The following CACNA2D3 variants were observed in gnomAD, a reference collection of about 807,000 sequenced individuals.
CACNA2D3 encodes the protein voltage-dependent calcium channel subunit alpha-2/delta-3.
In CACNA2D3, 60 loss-of-function variants were observed where a neutral mutation model predicts 160.6. The ratio of observed to expected loss-of-function variants is 0.37; its 90% CI spans 0.30 to 0.46. The LOEUF is 0.46. Among genes scored for constraint, CACNA2D3 ranks in the 20% least tolerant of loss-of-function variants. The pLI, the probability that CACNA2D3 is intolerant of heterozygous loss-of-function variation, is 1.00. For missense variants in CACNA2D3, 1,205 were observed against 1,365.0 expected (o/e 0.88, Z 1.85); for synonymous variants, 558 against 492.9 (o/e 1.13, Z -1.75).
At chr3:54,796,372 G>A (rs937540515) in intron 13 of CACNA2D3, among the ~76,000 whole-genome samples, 1 of 152,124 alleles carries the variant, frequency 6.6e-6, no homozygotes, top group Non-Finnish European at 1.5e-5. Flanking sequence ...CTGCCTTGGA[G>A]TAAGCACTCA....
At chr3:54,125,052 C>G (rs1404273918) in intron 2 of CACNA2D3, among the ~76,000 whole-genome samples, 1 of 152,094 alleles carries the variant, frequency 6.6e-6, no homozygotes, top group Admixed American at 6.5e-5. Flanking sequence ...TTATATTTTT[C>G]TTATGCTTTT....
chr3:54,935,652 A>G (rs1701309589), intron 27 of CACNA2D3, among the ~76,000 whole-genome samples: 1 of 152,152 alleles, frequency 6.6e-6, no homozygotes, highest in African/African-American at 2.4e-5. Flanking sequence ...TGTTTTTTGC[A>G]GTTCTTGTTG....
intron 2 of CACNA2D3, among the ~76,000 whole-genome samples, chr3:54,222,419 C>T (rs1453863745): frequency 6.6e-6 from 1 of 152,144 alleles, no homozygotes; most frequent in African/African-American, 2.4e-5. Context: ...GGCAGTGAGG[C>T]AGAAGGAGTT....
chr3:54,134,719 A>C (rs1052672668), intron 2 of CACNA2D3, among the ~76,000 whole-genome samples: 2 of 152,226 alleles, frequency 1.3e-5, no homozygotes, highest in African/African-American at 4.8e-5. Flanking sequence ...ACTGCCAGAC[A>C]GCAGAACAAG....
intron 2 of CACNA2D3, among the ~76,000 whole-genome samples, chr3:54,206,169 CATT>C (rs1428281359): frequency 6.6e-6 from 1 of 152,128 alleles, no homozygotes; most frequent in African/African-American, 2.4e-5. Context: ...GGAGTGGTCT[CATT>C]CTCTTTTCGC....
At chr3:54,301,713 C>G (rs1027758484) in intron 2 of CACNA2D3, among the ~76,000 whole-genome samples, 1 of 152,134 alleles carries the variant, frequency 6.6e-6, no homozygotes. Context: ...TGAAACACAG[C>G]AGGCACATGT....
intron 35 of CACNA2D3, among the ~76,000 whole-genome samples, chr3:55,033,604 A>G (rs1246405745): frequency 1.5e-5 from 2 of 134,996 alleles, no homozygotes; most frequent in African/African-American, 5.4e-5. Flanking sequence ...ATATATATAT[A>G]TATCTCCTTG....
intron 29 of CACNA2D3, among the ~76,000 whole-genome samples, chr3:54,979,388 A>G (rs955303816): frequency 6.6e-6 from 1 of 152,230 alleles, no homozygotes. Context: ...AATAGAAAAG[A>G]GATTCTTACT....
At chr3:54,626,337 G>T in intron 9 of CACNA2D3, 1 of 1,555,286 alleles carries the variant, frequency 6.4e-7, no homozygotes, top group Non-Finnish European at 8.7e-7. Flanking sequence ...CGCGCCAGCA[G>T]CGGCGGCTGA....
chr3:54,465,530 G>A lies in CACNA2D3; in HGVS notation c.382-37962G>A, dbSNP rs142731290. On this transcript the variant is annotated intron_variant, in intron 4 of 37. Transcript: ENST00000474759. Reference sequence around the variant, plus strand: ...GTTTCAGGCATCCACTGGGAGTCTTGGAACGTATCTCTGTGGATAAGAGTG... The same window carrying A: ...GTTTCAGGCATCCACTGGGAGTCTTAGAACGTATCTCTGTGGATAAGAGTG... Among the ~76,000 whole-genome samples, 976 of 152,222 alleles carry A rather than the reference G, an allele frequency of 6.4e-3. 9 individuals carry two copies. The highest frequency in any genetic ancestry group is 0.011 in the Non-Finnish European group (750 of 68,002).
At chr3:54,978,415 G>C (rs1470561953) in intron 29 of CACNA2D3, among the ~76,000 whole-genome samples, 1 of 152,184 alleles carries the variant, frequency 6.6e-6, no homozygotes, top group Admixed American at 6.5e-5. Context: ...TGGGTCTCTT[G>C]CATTCAGGGT....
chr3:55,049,134 C>A (rs1042743445), intron 35 of CACNA2D3, among the ~76,000 whole-genome samples: 4 of 151,678 alleles, frequency 2.6e-5, no homozygotes, highest in African/African-American at 7.3e-5. Flanking sequence ...TTATTTCTTC[C>A]CTTCTGCTAG....
At chr3:54,780,605 A>C (rs1702514920) in intron 13 of CACNA2D3, among the ~76,000 whole-genome samples, 1 of 152,190 alleles carries the variant, frequency 6.6e-6, no homozygotes, top group African/African-American at 2.4e-5. Context: ...CTTCTTTAGC[A>C]TTAGCCCTCA....
At chr3:54,814,224 A>G (rs1703399364) in intron 13 of CACNA2D3, among the ~76,000 whole-genome samples, 1 of 152,202 alleles carries the variant, frequency 6.6e-6, no homozygotes, top group Non-Finnish European at 1.5e-5. Context: ...CCTTCTCAAC[A>G]TAGCCCTTCA....
intron 4 of CACNA2D3, among the ~76,000 whole-genome samples, chr3:54,413,771 G>T (rs1699709851): frequency 6.7e-6 from 1 of 149,976 alleles, no homozygotes; most frequent in African/African-American, 2.4e-5. Flanking sequence ...CTATTTCTTT[G>T]CTGAAATTCT....
At chr3:54,556,355 T>A in intron 5 of CACNA2D3, among the ~76,000 whole-genome samples, 1 of 148,282 alleles carries the variant, frequency 6.7e-6, no homozygotes, top group South Asian at 2.2e-4. Context: ...AAGATGGAGG[T>A]GGAGATGGAA....
intron 4 of CACNA2D3, among the ~76,000 whole-genome samples, chr3:54,456,489 A>G (rs759986634): frequency 2.0e-5 from 3 of 151,930 alleles, no homozygotes; most frequent in Admixed American, 6.6e-5. Flanking sequence ...TTTTCTATAT[A>G]TAAGATCATC....
At chr3:54,365,344 A>G (rs969768702) in intron 3 of CACNA2D3, among the ~76,000 whole-genome samples, 3 of 152,170 alleles carry the variant, frequency 2.0e-5, no homozygotes. Flanking sequence ...AACCTCTCAA[A>G]CTGAAGGTAG....
intron 17 of CACNA2D3, among the ~76,000 whole-genome samples, chr3:54,847,032 T>C (rs1337931920): frequency 1.3e-5 from 2 of 152,244 alleles, no homozygotes; most frequent in African/African-American, 2.4e-5. Context: ...CATTGCTTGG[T>C]GAACTGATAT....
Sources: allele counts gnomAD v4.1 joint callset (sites outside exome capture counted in the v4.1 genomes callset), GRCh38; gene constraint gnomAD v4.1.1; transcripts MANE v1.5; gene names NCBI Gene and HGNC (gene_info 2026-07-23, HGNC 2026-07-21).